Variants in EYS observed in about 807,000 individuals in gnomAD.
The protein encoded by EYS is EGF-like photoreceptor maintenance factor, also known as protein eyes shut homolog.
Under a neutral mutation model 282.1 loss-of-function variants are expected in EYS, and 250 were observed. The ratio of observed to expected loss-of-function variants is 0.89; its 90% CI spans 0.80 to 0.98. EYS has a LOEUF of 0.98. EYS is among the 50% of genes least tolerant of loss of function. The probability of loss-of-function intolerance (pLI) is 0.00; values close to 1 mark genes in which losing one functional copy is unlikely to be tolerated. For synonymous variants in EYS, 1,355 were observed against 1,282.9 expected, an observed-to-expected ratio of 1.06 and a Z score of -1.20; for missense variants, 4,016 against 3,709.0, an observed-to-expected ratio of 1.08 and a Z score of -2.15.
chr6:65,595,139 TA>T (rs1257651013), intron 2 of EYS, among the ~76,000 whole-genome samples: 3 of 151,826 alleles, frequency 2.0e-5, no homozygotes, highest in African/African-American at 2.4e-5. Context: ...TATTCAGCCA[TA>T]AAAAAACGAT....
chr6:64,538,594 A>C (rs1038398230), intron 26 of EYS, among the ~76,000 whole-genome samples: 2 of 152,208 alleles, frequency 1.3e-5, no homozygotes, highest in Non-Finnish European at 2.9e-5. Flanking sequence ...ATCCTGCTAT[A>C]GTACAGAATA....
intron 1 of EYS, among the ~76,000 whole-genome samples, chr6:65,650,712 T>C (rs1334992680): frequency 6.6e-6 from 1 of 152,140 alleles, no homozygotes; most frequent in Non-Finnish European, 1.5e-5. Flanking sequence ...GGAAACAACA[T>C]TCACAGCAGT....
Position 64,875,682 on chromosome 6 carries a change from A to G in EYS, c.2992+11015T>C, listed in dbSNP as rs74978770. Among the ~76,000 whole-genome samples the G allele has an allele frequency of 5.9e-5, 9 of 152,202 alleles. No homozygotes were observed. The East Asian group carries it at 1.5e-3, about 26-fold the overall frequency. ...AGAGCCTAACACATTAAATCATCCA[A>G]TAACTATAATTTTTGGTACCACTGG... On this transcript the variant is annotated intron_variant, in intron 19 of 42. Coordinates refer to ENST00000503581, the MANE Select transcript of EYS (RefSeq NM_001142800.2).
chr6:65,561,901 A>G (rs2127345744), intron 2 of EYS, among the ~76,000 whole-genome samples: 1 of 151,848 alleles, frequency 6.6e-6, no homozygotes, highest in Admixed American at 6.6e-5. Flanking sequence ...TATTTTTATC[A>G]GAAAGTAATT....
At chr6:64,387,643 T>C in intron 29 of EYS, among the ~76,000 whole-genome samples, 1 of 152,238 alleles carries the variant, frequency 6.6e-6, no homozygotes, top group East Asian at 1.9e-4. Flanking sequence ...TTTTTTACTA[T>C]CATGGAACTT....
rs114362763 is a variant in EYS, at chr6:65,105,262, G to T, written c.2024-47535C>A. On this transcript the variant is annotated intron_variant, in intron 12 of 42. Coordinates refer to ENST00000503581, the MANE Select transcript of EYS (RefSeq NM_001142800.2). ...GCTAGAAATCAGCTTTGCCTCTACT[G>T]AAACAATTTCTTCAGTCTTCTACTG... is the stretch of plus-strand genomic sequence containing the variant. 7.5e-3 allele frequency among the ~76,000 whole-genome samples: 1,129 copies of T among 151,542 alleles called. 22 individuals are homozygous for T. The highest frequency in any genetic ancestry group is 0.024 in the African/African-American group (1,012 of 41,312).
At chr6:64,293,909 T>C (rs1198000493) in intron 30 of EYS, among the ~76,000 whole-genome samples, 5 of 152,166 alleles carry the variant, frequency 3.3e-5, no homozygotes, top group Non-Finnish European at 5.9e-5. Context: ...GTTCTTAATA[T>C]CGTACCTGTC....
chr6:65,097,982 A>T (rs1217022487), intron 12 of EYS, among the ~76,000 whole-genome samples: 1 of 150,700 alleles, frequency 6.6e-6, no homozygotes, highest in African/African-American at 2.4e-5. Flanking sequence ...TTTCTGTGTG[A>T]TGTTAACTAA....
intron 12 of EYS, among the ~76,000 whole-genome samples, chr6:65,068,276 A>G (rs1417615138): frequency 2.0e-5 from 3 of 152,106 alleles, no homozygotes; most frequent in Admixed American, 2.0e-4. Context: ...TCCATTTCAC[A>G]TCAGTCACAC....
Position 65,244,229 on chromosome 6 carries a change from C to A in EYS, c.2023+51634G>T, listed in dbSNP as rs187182635. Reference sequence around the variant, plus strand: ...TATTTATTAGAAGAGGTCATTGGTACGATATTTCTTTTAGTCGTTTCACGC... The same window carrying A: ...TATTTATTAGAAGAGGTCATTGGTAAGATATTTCTTTTAGTCGTTTCACGC... On this transcript the variant is annotated intron_variant, in intron 12 of 42. Coordinates refer to ENST00000503581, the MANE Select transcript of EYS (RefSeq NM_001142800.2). Among the ~76,000 whole-genome samples, 290 of 152,172 alleles carry A rather than the reference C, an allele frequency of 1.9e-3. No homozygotes were observed. In the Middle Eastern group the frequency reaches 0.024, roughly 13 times the overall value.
chr6:65,194,860 T>A (rs993233180), intron 12 of EYS, among the ~76,000 whole-genome samples: 1 of 151,756 alleles, frequency 6.6e-6, no homozygotes, highest in African/African-American at 2.4e-5. Context: ...GTTGTTTTTT[T>A]TTTTTTAGAC....
intron 14 of EYS, among the ~76,000 whole-genome samples, chr6:64,954,127 C>A (rs904722650): frequency 2.3e-4 from 35 of 151,916 alleles, no homozygotes; most frequent in African/African-American, 8.4e-4. Context: ...ATCAAAATAA[C>A]TTCAGCTGTT....
intron 12 of EYS, among the ~76,000 whole-genome samples, chr6:65,195,469 A>C (rs1383693459): frequency 1.3e-5 from 2 of 152,068 alleles, no homozygotes; most frequent in African/African-American, 4.8e-5. Context: ...TTAACATACA[A>C]TTTCATTGTC....
chr6:63,956,555 C>T (rs190209963), intron 35 of EYS, among the ~76,000 whole-genome samples: 12 of 152,156 alleles, frequency 7.9e-5, no homozygotes, highest in African/African-American at 2.6e-4. Context: ...TCCCATAGAA[C>T]GTTTGGTGGG....
Position 65,512,379 on chromosome 6 carries a change from C to T in EYS, c.-332-16386G>A, listed in dbSNP as rs569099295. Among the ~76,000 whole-genome samples, 110 of 151,404 alleles carry T rather than the reference C, an allele frequency of 7.3e-4. 1 individual carries two copies. The highest frequency in any genetic ancestry group is 4.8e-3 in the South Asian group (23 of 4,790). On this transcript the variant is annotated intron_variant, in intron 2 of 42. Coordinates refer to ENST00000503581, the MANE Select transcript of EYS (RefSeq NM_001142800.2). ...TGGCGAGCACCTGTAGTCCCAGCTA[C>T]TCAGGAGGCTGAGGCAGGAGAATGG...
intron 19 of EYS, among the ~76,000 whole-genome samples, chr6:64,860,640 G>C (rs973707753): frequency 2.0e-5 from 3 of 152,192 alleles, no homozygotes; most frequent in African/African-American, 4.8e-5. Flanking sequence ...CTCCCTGAAG[G>C]GCCACAGCTG....
chr6:64,559,257 G>A (rs1011498430), intron 26 of EYS, among the ~76,000 whole-genome samples: 4 of 139,792 alleles, frequency 2.9e-5, no homozygotes, highest in Non-Finnish European at 6.1e-5. Flanking sequence ...TTCTTTGTAT[G>A]TGTGTGTGTG....
At chr6:65,680,528 T>C (rs1420449640) in intron 1 of EYS, among the ~76,000 whole-genome samples, 2 of 151,984 alleles carry the variant, frequency 1.3e-5, no homozygotes, top group African/African-American at 2.4e-5. Flanking sequence ...ACTAGTTTAT[T>C]TTGTTTTCTA....
chr6:64,791,885 T>C (rs565098614), intron 22 of EYS, among the ~76,000 whole-genome samples: 16 of 152,010 alleles, frequency 1.1e-4, no homozygotes, highest in African/African-American at 3.9e-4. Context: ...TATAGAACCA[T>C]ATGACTGGAA....
Sources: allele counts gnomAD v4.1 joint callset (sites outside exome capture counted in the v4.1 genomes callset), GRCh38; gene constraint gnomAD v4.1.1; transcripts MANE v1.5; gene names NCBI Gene and HGNC (gene_info 2026-07-23, HGNC 2026-07-21).